JADE2: variants seen among roughly 807,000 people sequenced by gnomAD.
JADE2 encodes jade family PHD finger 2, also known as E3 ubiquitin-protein ligase Jade-2.
In JADE2, 13 loss-of-function variants were observed where a neutral mutation model predicts 85.7. The observed-to-expected ratio is 0.15, with a 90% CI of 0.10 to 0.24. JADE2 has a LOEUF of 0.24. JADE2 is among the 10% of genes least tolerant of loss of function. The pLI is 1.00. For synonymous variants in JADE2, 440 were observed against 456.1 expected (o/e 0.96, Z 0.45); for missense variants, 846 against 1,115.9 (o/e 0.76, Z 3.45).
chr5:134,524,692 A>G (rs972711471), upstream of JADE2, among the ~76,000 whole-genome samples: 4 of 152,280 alleles, frequency 2.6e-5, no homozygotes, highest in East Asian at 7.7e-4. Flanking sequence ...GCTAGGCGCC[A>G]GGAGGCACCC....
chr5:134,568,664 C>T (rs1041750152), intron 9 of JADE2, among the ~76,000 whole-genome samples: 14 of 152,226 alleles, frequency 9.2e-5, no homozygotes, highest in Admixed American at 6.5e-4. Context: ...GGCTGGCGGG[C>T]ACCAGCTTCA....
chr5:134,569,562 C>T (rs554624581), intron 9 of JADE2, among the ~76,000 whole-genome samples: 11 of 152,296 alleles, frequency 7.2e-5, no homozygotes, highest in Admixed American at 1.3e-4. Context: ...CCCTAGCAAC[C>T]GTGCTGACAA....
At chr5:134,565,226 T>C (rs1329300599) in intron 8 of JADE2, among the ~76,000 whole-genome samples, 1 of 152,222 alleles carries the variant, frequency 6.6e-6, no homozygotes, top group Non-Finnish European at 1.5e-5. Context: ...TTTGTCCCCC[T>C]CATCTTTTAG....
In JADE2 at chr5:134,573,946, G is replaced by C. The variant is rs116099923; in HGVS notation, c.1552+184G>C. On this transcript the variant is annotated intron_variant, in intron 10 of 11. Transcript: ENST00000681547. ...CCAGACGGGGGCCTGCAAGGGTCCTGAGTTGTGCGTCACTAGGCAGAGAGC... is the reference window on the plus strand; with the variant it reads ...CCAGACGGGGGCCTGCAAGGGTCCTCAGTTGTGCGTCACTAGGCAGAGAGC... The C allele has an allele frequency of 1.8e-3, 1,200 of 680,742 alleles. 11 individuals carry two copies. In the African/African-American group the frequency reaches 0.02, roughly 11 times the overall value. 42.2% of individuals were successfully genotyped at this position (680,742 alleles called of 1,614,324 possible).
At chr5:134,563,083 C>T (rs974955488) in intron 7 of JADE2, among the ~76,000 whole-genome samples, 1 of 151,814 alleles carries the variant, frequency 6.6e-6, no homozygotes, top group Non-Finnish European at 1.5e-5. Context: ...GGTGGGAGGC[C>T]GAGGTGGGTG....
At chr5:134,564,679 A>G in intron 8 of JADE2, 69 bp downstream of exon 8, 1 of 982,026 alleles carries the variant, frequency 1.0e-6, no homozygotes, top group East Asian at 2.8e-5. Flanking sequence ...CTCAGACAGC[A>G]GCTGCCACCA....
chr5:134,524,107 C>T (rs1760673802), upstream of JADE2, among the ~76,000 whole-genome samples: 1 of 152,162 alleles, frequency 6.6e-6, no homozygotes, highest in African/African-American at 2.4e-5. Context: ...AAGTTGGCCA[C>T]GATGCTTTGG....
rs150666786 is a variant in JADE2 at position 134,531,018 on chromosome 5, A to G, written c.1-4840A>G. ...ACATTCCCAAGGAGAACGACATGCA[A>G]CAAGTAGCTCAACAAGCACAGCTGG... On this transcript the variant is annotated intron_variant, in intron 1 of 11. Transcript: ENST00000681547. 2.1e-3 allele frequency among the ~76,000 whole-genome samples: 319 copies of G among 152,344 alleles called. 2 individuals carry two copies. The highest frequency in any genetic ancestry group is 7.4e-3 in the African/African-American group (307 of 41,578).
chr5:134,579,353 C>T lies in JADE2; in HGVS notation c.*36C>T, dbSNP rs760078055. 1.4e-6 allele frequency: 2 copies of T among 1,478,774 alleles called. No homozygotes were observed. The highest frequency in any genetic ancestry group is 1.8e-6 in the Non-Finnish European group (2 of 1,100,886). The allele number at this position is 1,478,774 out of a possible 1,614,324, so 91.6% of individuals were successfully genotyped here. A position where few individuals can be genotyped will look rare whatever the true frequency, so the allele number is the denominator to read the frequency against. On this transcript the variant is annotated 3_prime_UTR_variant, in exon 12 of 12. Transcript: ENST00000681547. This position sits in a 1 kb window ranked among gnomAD's most constrained non-coding sequence, Gnocchi z 4.6. The stretch of plus-strand genomic sequence containing the variant: ...TCCCTGTCCCAGGCCCTGCCCTGGT[C>T]CCCCCACAAGGCCTCAGCCCAGTCA...
chr5:134,525,315 G>T (rs927408726), upstream of JADE2, among the ~76,000 whole-genome samples: 5 of 152,088 alleles, frequency 3.3e-5, no homozygotes, highest in African/African-American at 1.2e-4. Flanking sequence ...GGACTTGCAC[G>T]GGCGCAGCCG....
chr5:134,526,913 C>G (rs1377828908), intron 1 of JADE2, among the ~76,000 whole-genome samples: 3 of 152,068 alleles, frequency 2.0e-5, no homozygotes, highest in East Asian at 3.9e-4. Flanking sequence ...TGCGCGCCCG[C>G]GGGGCGACGG....
Position 134,578,034 on chromosome 5 carries a change from C to T in JADE2, c.1682-460C>T, listed in dbSNP as rs1200913759. On this transcript the variant is annotated intron_variant, in intron 11 of 11. Transcript: ENST00000681547. This position sits in a 1 kb window ranked among gnomAD's most constrained non-coding sequence, Gnocchi z 4.4. ...ACCCCACCAGAATGGGGGTAGTGGG[C>T]AGGTCCAACTTCGTGGGTAGCAACC... Among the ~76,000 whole-genome samples, 3 of 152,214 alleles carry T rather than the reference C, an allele frequency of 2.0e-5. No individual in the cohort carries two copies. Among genetic ancestry groups the T allele is most frequent in the South Asian group, 4.1e-4 (2 of 4,830 alleles).
rs115890725 is a variant in JADE2, at chr5:134,578,783, C to G, written c.1971C>G (p.Asp657Glu). The G allele has an allele frequency of 6.2e-7, 1 of 1,613,774 alleles. No individual in the cohort carries two copies. The highest frequency in any genetic ancestry group is 8.5e-7 in the Non-Finnish European group (1 of 1,179,988). ...AACCACCACCACCACCACCGCAGGACGGGCCTGGTTCACGGACGACTCCAG... is the reference window on the plus strand; with the variant it reads ...AACCACCACCACCACCACCGCAGGAGGGGCCTGGTTCACGGACGACTCCAG... Reference protein sequence around the residue: ...KKKPPPPPPQDGPGSRTTPDK... With the variant: ...KKKPPPPPPQEGPGSRTTPDK... The change falls in exon 12 of 12, where the codon GAC (aspartate) becomes GAG (glutamate). Residue 657 changes from aspartate (D) to glutamate (E), a missense_variant. Asp to Glu is a conservative substitution (Grantham distance 45). Transcript: ENST00000681547. The surrounding 1 kb of genome is among the most constrained non-coding windows in gnomAD (Gnocchi z 4.4).
At position 134,560,774 on chromosome 5, in the gene JADE2, A is replaced by G. The variant is rs562356785; in HGVS notation, c.501A>G (p.Leu167=). Residue 167 remains leucine, a synonymous_variant, in exon 6 of 12, where the codon TTA becomes TTG. Coordinates refer to ENST00000681547, the MANE Select transcript of JADE2 (RefSeq NM_001388185.1). ...MERPELDELT[L]ERVLEELETL... ...GGCCGGAGCTGGACGAGCTGACATT[A>G]GAGCGTGTGCTGGAGGAGCTGGAGA... 1.2e-6 allele frequency: 2 copies of G among 1,614,016 alleles called. No individual in the cohort carries two copies. Among genetic ancestry groups the G allele is most frequent in the Admixed American group, 3.3e-5 (2 of 59,974 alleles).
In JADE2 at chr5:134,578,488, C is replaced by T; in HGVS notation, c.1682-6C>T. 6.4e-7 allele frequency: 1 copy of T among 1,560,896 alleles called. No homozygotes were observed. Among genetic ancestry groups the T allele is most frequent in the African/African-American group, 1.3e-5 (1 of 74,074 alleles). On this transcript the variant is annotated splice_region_variant and splice_polypyrimidine_tract_variant and intron_variant, in intron 11 of 11. Coordinates refer to ENST00000681547, the MANE Select transcript of JADE2 (RefSeq NM_001388185.1). This position sits in a 1 kb window ranked among gnomAD's most constrained non-coding sequence, Gnocchi z 4.4. ...GGCGTCTCACTTGCCTCCTCTCTCC[C>T]CTCAGCAGGCCTGTCCACCTCATTC...
At chr5:134,527,162 C>T (rs1490849741) in intron 1 of JADE2, among the ~76,000 whole-genome samples, 1 of 151,970 alleles carries the variant, frequency 6.6e-6, no homozygotes, top group African/African-American at 2.4e-5. Context: ...TCCCCGGCCC[C>T]GCCCCGCCCC....
At chr5:134,554,067 C>G (rs1216135853) in intron 4 of JADE2, among the ~76,000 whole-genome samples, 1 of 152,100 alleles carries the variant, frequency 6.6e-6, no homozygotes, top group Non-Finnish European at 1.5e-5. Context: ...GGCTCTTGCT[C>G]GATCCCATGT....
At position 134,578,614 on chromosome 5, in the gene JADE2, G is replaced by A. The variant is rs202240384; in HGVS notation, c.1802G>A (p.Arg601His). ...GAGTGGCCACTGAACAATGGGCACCGCGAGGACCCTGCTCCAGGGCTGCTG... is the reference window on the plus strand; with the variant it reads ...GAGTGGCCACTGAACAATGGGCACCACGAGGACCCTGCTCCAGGGCTGCTG... ...MSEWPLNNGH[R>H]EDPAPGLLSE... The change falls in exon 12 of 12, where the codon CGC becomes CAC. Residue 601 changes from arginine (R) to histidine (H), a missense_variant. Physicochemically the swap from Arg to His is conservative, Grantham distance 29. Transcript: ENST00000681547. This position sits in a 1 kb window ranked among gnomAD's most constrained non-coding sequence, Gnocchi z 4.4. The A allele has an allele frequency of 1.7e-5, 28 of 1,614,036 alleles. No homozygotes were observed. The highest frequency in any genetic ancestry group is 5.3e-5 in the African/African-American group (4 of 74,922).
At chr5:134,557,100 AC>A in intron 4 of JADE2, among the ~76,000 whole-genome samples, 1 of 152,066 alleles carries the variant, frequency 6.6e-6, no homozygotes, top group Non-Finnish European at 1.5e-5. Context: ...ACACACACAC[AC>A]AGTGATTACT....
Sources: gnomAD v4.1 joint callset for allele counts (sites outside exome capture counted in the v4.1 genomes callset) on GRCh38, gnomAD v4.1.1 for gene constraint, Gnocchi (gnomAD v3.1) non-coding constraint, MANE v1.5 for transcripts, NCBI Gene and HGNC (gene_info 2026-07-23, HGNC 2026-07-21) for gene names.